The following CCSER1 variants were observed in gnomAD, a reference collection of about 807,000 sequenced individuals.
CCSER1 encodes serine-rich coiled-coil domain-containing protein 1.
A neutral mutation model predicts 82.0 loss-of-function variants in CCSER1; 41 were observed. That is an observed-to-expected ratio of 0.50 (90% CI 0.39 to 0.65). CCSER1 has a LOEUF of 0.65. Among genes scored for constraint, CCSER1 ranks in the 30% least tolerant of loss-of-function variants. The probability of loss-of-function intolerance (pLI) is 0.00; values close to 1 mark genes in which losing one functional copy is unlikely to be tolerated. For missense variants in CCSER1, 1,119 were observed against 1,064.2 expected, an observed-to-expected ratio of 1.05 and a Z score of -0.72; for synonymous variants, 414 against 383.9, an observed-to-expected ratio of 1.08 and a Z score of -0.92.
chr4:91,166,391 T>C (rs975444857), intron 10 of CCSER1, among the ~76,000 whole-genome samples: 2 of 152,208 alleles, frequency 1.3e-5, no homozygotes, highest in African/African-American at 2.4e-5. Flanking sequence ...AGATGTGCTC[T>C]TTCCCATTAC....
chr4:91,475,303 T>C (rs1757528513), intron 10 of CCSER1, among the ~76,000 whole-genome samples: 1 of 151,884 alleles, frequency 6.6e-6, no homozygotes, highest in Admixed American at 6.6e-5. Context: ...AAAATAGATA[T>C]AGGGATAGTA....
At chr4:90,213,654 A>G (rs1322347420) in intron 1 of CCSER1, among the ~76,000 whole-genome samples, 1 of 152,202 alleles carries the variant, frequency 6.6e-6, no homozygotes, top group Non-Finnish European at 1.5e-5. Flanking sequence ...GGACAAGCCA[A>G]GAAGTGAGGA....
chr4:90,334,810 C>A, intron 3 of CCSER1, among the ~76,000 whole-genome samples: 1 of 152,002 alleles, frequency 6.6e-6, no homozygotes, highest in Non-Finnish European at 1.5e-5. Flanking sequence ...AGTTTGTGTA[C>A]CATTCTAATA....
At chr4:91,215,564 G>C (rs1463632333) in intron 10 of CCSER1, among the ~76,000 whole-genome samples, 4 of 152,108 alleles carry the variant, frequency 2.6e-5, no homozygotes, top group Non-Finnish European at 4.4e-5. Flanking sequence ...GAGAGATGGA[G>C]GCCAGCAGAC....
intron 5 of CCSER1, among the ~76,000 whole-genome samples, chr4:90,616,901 G>C (rs1360036435): frequency 6.6e-6 from 1 of 152,038 alleles, no homozygotes; most frequent in Non-Finnish European, 1.5e-5. Flanking sequence ...CGAGGATTTC[G>C]CCAAGTGGCT....
intron 9 of CCSER1, among the ~76,000 whole-genome samples, chr4:90,932,908 GAGAAAGAAAGAAAGAAAGAAAGAAAGAA>G (rs768510099): frequency 9.0e-5 from 3 of 33,486 alleles, no homozygotes; most frequent in Admixed American, 4.1e-4. Flanking sequence ...GAGAAAGAAG[GAGAAAGAAAGAAAGAAAGAAAGAAAGAA>G]AGAAAGAAAG....
intron 9 of CCSER1, among the ~76,000 whole-genome samples, chr4:90,956,551 T>C (rs1733451868): frequency 6.6e-6 from 1 of 152,148 alleles, no homozygotes; most frequent in African/African-American, 2.4e-5. Context: ...TTAATAAAAG[T>C]TGAGAAACTT....
chr4:91,286,550 G>A lies in CCSER1; in HGVS notation c.2217+200556G>A, dbSNP rs1743292578. Among the ~76,000 whole-genome samples the A allele has an allele frequency of 5.3e-5, 8 of 151,856 alleles. No individual in the cohort carries two copies. In the South Asian group the frequency reaches 1.7e-3, roughly 31 times the overall value. ...ATTGTTACATGAAACTCTATCATGT[G>A]TTGGTATAACCTTATCTACATGTGA... On this transcript the variant is annotated intron_variant, in intron 10 of 10. Transcript: ENST00000509176.
intron 10 of CCSER1, among the ~76,000 whole-genome samples, chr4:91,090,082 C>A (rs1358073021): frequency 6.6e-6 from 1 of 152,152 alleles, no homozygotes; most frequent in Non-Finnish European, 1.5e-5. Context: ...TCCGATATCC[C>A]CATGAGCCAT....
chr4:90,196,609 A>G (rs1736661529), intron 1 of CCSER1, among the ~76,000 whole-genome samples: 1 of 150,444 alleles, frequency 6.6e-6, no homozygotes, highest in South Asian at 2.1e-4. Flanking sequence ...CCCTTTCCCC[A>G]TAGATACTGA....
intron 6 of CCSER1, among the ~76,000 whole-genome samples, chr4:90,684,569 T>G (rs980857199): frequency 2.6e-5 from 4 of 152,200 alleles, no homozygotes; most frequent in Admixed American, 2.0e-4. Context: ...CCAGGAAGCA[T>G]ATAACATTTT....
intron 5 of CCSER1, among the ~76,000 whole-genome samples, chr4:90,592,477 T>G (rs1782833008): frequency 6.6e-6 from 1 of 152,188 alleles, no homozygotes; most frequent in African/African-American, 2.4e-5. Context: ...TGGATAAGCA[T>G]GTGAAATACT....
intron 9 of CCSER1, among the ~76,000 whole-genome samples, chr4:90,972,221 A>G (rs1735177109): frequency 6.6e-6 from 1 of 151,878 alleles, no homozygotes; most frequent in Admixed American, 6.6e-5. Context: ...ACATGATATT[A>G]TATGAAGAAA....
chr4:90,400,688 GC>G (rs1286147859), intron 4 of CCSER1, among the ~76,000 whole-genome samples: 1 of 152,094 alleles, frequency 6.6e-6, no homozygotes, highest in Admixed American at 6.5e-5. Flanking sequence ...ACTTGAGGGA[GC>G]CTGATATATT....
chr4:90,695,788 T>C (rs1303012083), intron 6 of CCSER1, among the ~76,000 whole-genome samples: 1 of 151,880 alleles, frequency 6.6e-6, no homozygotes, highest in African/African-American at 2.4e-5. Flanking sequence ...GATATTTATA[T>C]TTTTTCAAGG....
rs914341028 is a variant in CCSER1, at chr4:91,022,004, CT to C, written c.2173-63937del. On this transcript the variant is annotated intron_variant, in intron 9 of 10. Transcript: ENST00000509176. ...TTCTCAAAATCAGTTTATATTGAAA[CT>C]TTTTTTTTATTATACTTTATGTTTT... Among the ~76,000 whole-genome samples the C allele has an allele frequency of 2.6e-4, 39 of 151,264 alleles. 1 individual carries two copies. The highest frequency in any genetic ancestry group is 1.3e-3 in the South Asian group (6 of 4,778).
intron 10 of CCSER1, among the ~76,000 whole-genome samples, chr4:91,212,923 T>C (rs1170388557): frequency 6.6e-6 from 1 of 152,082 alleles, no homozygotes; most frequent in East Asian, 1.9e-4. Context: ...CCAGTGTCTA[T>C]TGTTGCTATC....
chr4:90,422,761 C>T (rs1034102490), intron 4 of CCSER1, among the ~76,000 whole-genome samples: 1 of 152,180 alleles, frequency 6.6e-6, no homozygotes, highest in African/African-American at 2.4e-5. Flanking sequence ...GGTAACATTA[C>T]AGAAGCATCT....
At chr4:90,233,899 C>T (rs142781715) in intron 1 of CCSER1, among the ~76,000 whole-genome samples, 2 of 152,044 alleles carry the variant, frequency 1.3e-5, no homozygotes, top group Non-Finnish European at 2.9e-5. Context: ...TTATTGGACA[C>T]AATTAAATTA....
Sources: allele counts gnomAD v4.1 joint callset (sites outside exome capture counted in the v4.1 genomes callset), GRCh38; gene constraint gnomAD v4.1.1; transcripts MANE v1.5; gene names NCBI Gene and HGNC (gene_info 2026-07-23, HGNC 2026-07-21).